SMC3: variants seen among roughly 807,000 people sequenced by gnomAD.
SMC3 encodes the protein structural maintenance of chromosomes protein 3.
SMC3 carries 20 observed loss-of-function variants against 171.8 expected under a neutral mutation model. The ratio of observed to expected loss-of-function variants is 0.12; its 90% CI spans 0.08 to 0.17. SMC3 has a LOEUF of 0.17. Among genes scored for constraint, SMC3 ranks in the 10% least tolerant of loss-of-function variants. SMC3 has a pLI of 1.00. For missense variants in SMC3, 543 were observed against 1,420.4 expected (o/e 0.38, Z 9.93); for synonymous variants, 464 against 451.1 (o/e 1.03, Z -0.36).
chr10:110,589,511 G>A (rs971688934), intron 13 of SMC3, 94 bp from the exon 14 acceptor site: 11 of 789,618 alleles, frequency 1.4e-5, no homozygotes, highest in African/African-American at 3.5e-5. Context: ...CCTTTTGTCC[G>A]CCTCCCCCAT....
At chr10:110,584,865 T>TC (rs1861085402) in intron 13 of SMC3, among the ~76,000 whole-genome samples, 1 of 152,200 alleles carries the variant, frequency 6.6e-6, no homozygotes, top group Non-Finnish European at 1.5e-5. Context: ...GCTTAAGCAA[T>TC]CCTCCGACCT....
At chr10:110,596,286 C>A in intron 18 of SMC3, 112 bp from the exon 19 acceptor site, 11 of 897,438 alleles carry the variant, frequency 1.2e-5, no homozygotes, top group South Asian at 2.1e-5. Context: ...GTTTAAATTA[C>A]TTTCAATTCT....
At chr10:110,575,251 C>T in intron 3 of SMC3, 85 bp from the exon 4 acceptor site, 1 of 925,584 alleles carries the variant, frequency 1.1e-6, no homozygotes, top group African/African-American at 1.6e-5. Flanking sequence ...ACCAGACACA[C>T]TATGTTCTAT....
At chr10:110,591,262 T>C in intron 17 of SMC3, 130 bp downstream of exon 17, 1 of 935,276 alleles carries the variant, frequency 1.1e-6, no homozygotes, top group Non-Finnish European at 1.6e-6. Flanking sequence ...ATATCTGTCT[T>C]CCCATGGACC....
In SMC3 at chr10:110,577,847, G is replaced by A. The variant is rs869312672; in HGVS notation, c.283G>A (p.Glu95Lys). The A allele has an allele frequency of 1.2e-6, 2 of 1,610,368 alleles. No homozygotes were observed. The highest frequency in any genetic ancestry group is 8.5e-7 in the Non-Finnish European group (1 of 1,176,812). Residue 95 changes from glutamate (E) to lysine (K), a missense_variant, in exon 6 of 29, where the codon GAA becomes AAA. Transcript: ENST00000361804. ...SDNRLPIDKEEVSLRRVIGAK... is the reference protein window; with the variant it reads ...SDNRLPIDKEKVSLRRVIGAK... ...CATTTTTTCTTAGATCGATAAAGAG[G>A]AAGTTTCACTTCGAAGAGTTATTGG...
intron 7 of SMC3, among the ~76,000 whole-genome samples, chr10:110,579,207 C>G (rs1488357304): frequency 6.6e-6 from 1 of 152,052 alleles, no homozygotes; most frequent in Non-Finnish European, 1.5e-5. Flanking sequence ...CATATACTTT[C>G]ACTTTTTTTT....
chr10:110,578,213 G>A (rs1377154229), intron 6 of SMC3, among the ~76,000 whole-genome samples: 1 of 152,060 alleles, frequency 6.6e-6, no homozygotes, highest in African/African-American at 2.4e-5. Flanking sequence ...AGCTGGGATT[G>A]CAGGCAGTCA....
intron 23 of SMC3, 147 bp downstream of exon 23, chr10:110,601,277 A>G (rs1373985510): frequency 9.0e-6 from 6 of 665,980 alleles, no homozygotes; most frequent in African/African-American, 1.8e-5. Context: ...GAATTTAGGA[A>G]GTTGACTATA....
chr10:110,575,566 A>AT (rs1564788407), intron 4 of SMC3, among the ~76,000 whole-genome samples, 163 bp downstream of exon 4: 2 of 152,214 alleles, frequency 1.3e-5, no homozygotes, highest in African/African-American at 4.8e-5. Context: ...AGCCTAACAT[A>AT]TTAATGCCAG....
At chr10:110,593,477 CAGG>C (rs1314390797) in intron 18 of SMC3, among the ~76,000 whole-genome samples, 2 of 151,972 alleles carry the variant, frequency 1.3e-5, no homozygotes, top group Non-Finnish European at 2.9e-5. Context: ...GAGGCTGGGG[CAGG>C]AGAATTGCTT....
chr10:110,586,564 A>G (rs1339743816), intron 13 of SMC3, among the ~76,000 whole-genome samples: 4 of 152,316 alleles, frequency 2.6e-5, no homozygotes, highest in South Asian at 2.1e-4. Flanking sequence ...ATTATTTTCC[A>G]GTATTCCAGC....
At chr10:110,603,531 G>C (rs1861419230) in intron 28 of SMC3, among the ~76,000 whole-genome samples, 1 of 152,124 alleles carries the variant, frequency 6.6e-6, no homozygotes, top group African/African-American at 2.4e-5. Flanking sequence ...TCTATTCAAT[G>C]CTTCTGTAAT....
At position 110,590,531 on chromosome 10, in the gene SMC3, A is replaced by T; in HGVS notation, c.1629A>T (p.Glu543Asp). ...TTGTAATGAATAACTTTGAATGTGA[A>T]CCAGCTTTCTACACATGCGTGGAAG... ...HGIVMNNFEC[E>D]PAFYTCVEVT... The change falls in exon 16 of 29, where the codon GAA (glutamate) becomes GAT (aspartate). Residue 543 changes from glutamate to aspartate, a missense_variant. Glu to Asp is a conservative substitution (Grantham distance 45). Transcript: ENST00000361804. 1 of 1,614,162 alleles carries T rather than the reference A, an allele frequency of 6.2e-7. No individual in the cohort carries two copies. Among genetic ancestry groups the T allele is most frequent in the Non-Finnish European group, 8.5e-7 (1 of 1,179,988 alleles).
chr10:110,567,722 T>G lies in SMC3; in HGVS notation c.-95T>G. 1 of 1,484,152 alleles carries G rather than the reference T, an allele frequency of 6.7e-7. No individual in the cohort carries two copies. Among genetic ancestry groups the G allele is most frequent in the Non-Finnish European group, 9.4e-7 (1 of 1,067,898 alleles). 91.9% of individuals were successfully genotyped at this position (1,484,152 alleles called of 1,614,324 possible). On this transcript the variant is annotated 5_prime_UTR_variant, in exon 1 of 29. Coordinates refer to ENST00000361804, the MANE Select transcript of SMC3 (RefSeq NM_005445.4). Reference sequence around the variant, plus strand: ...TTGGCTGAGGGGAGCGAGCGGCGCTTTGGGGGAGGGGTCGCGTAGGCGCCT... The same window carrying G: ...TTGGCTGAGGGGAGCGAGCGGCGCTGTGGGGGAGGGGTCGCGTAGGCGCCT...
At chr10:110,595,695 AAG>A (rs1193829904) in intron 18 of SMC3, among the ~76,000 whole-genome samples, 14 of 152,130 alleles carry the variant, frequency 9.2e-5, no homozygotes, top group Admixed American at 6.5e-4. Context: ...TTCTGTAGAA[AAG>A]AGTCTCCAAT....
At chr10:110,598,434 T>C (rs1861333853) in intron 20 of SMC3, 144 bp downstream of exon 20, 2 of 819,410 alleles carry the variant, frequency 2.4e-6, no homozygotes, top group Non-Finnish European at 4.0e-6. Flanking sequence ...AGACAGAGTC[T>C]CTTTCTGTCT....
intron 20 of SMC3, among the ~76,000 whole-genome samples, chr10:110,598,785 C>T (rs536387111): frequency 2.0e-5 from 3 of 152,086 alleles, no homozygotes; most frequent in African/African-American, 4.8e-5. Flanking sequence ...ATTGTTGGCA[C>T]GTTCAAACTT....
At chr10:110,575,897 A>G (rs1860940338) in intron 4 of SMC3, among the ~76,000 whole-genome samples, 2 of 152,242 alleles carry the variant, frequency 1.3e-5, no homozygotes, top group African/African-American at 4.8e-5. Context: ...AGGAACTTTA[A>G]GATGCAGAAC....
chr10:110,571,568 T>C (rs771859358), intron 2 of SMC3, among the ~76,000 whole-genome samples: 1 of 152,216 alleles, frequency 6.6e-6, no homozygotes, highest in Non-Finnish European at 1.5e-5. Flanking sequence ...CAGGGAGTTA[T>C]AGCCTCCTTT....
Sources: allele counts gnomAD v4.1 joint callset (sites outside exome capture counted in the v4.1 genomes callset), GRCh38; gene constraint gnomAD v4.1.1; transcripts MANE v1.5; gene names NCBI Gene and HGNC (gene_info 2026-07-23, HGNC 2026-07-21).